Variants in OSBPL8 observed in about 807,000 individuals in gnomAD.
The protein encoded by OSBPL8 is oxysterol binding protein like 8.
A neutral mutation model predicts 125.5 loss-of-function variants in OSBPL8; 59 were observed. The ratio of observed to expected loss-of-function variants is 0.47; its 90% CI spans 0.38 to 0.58. The LOEUF is 0.58. OSBPL8 is among the 20% of genes least tolerant of loss of function. The probability of loss-of-function intolerance (pLI) is 0.00; values close to 1 mark genes in which losing one functional copy is unlikely to be tolerated. For synonymous variants in OSBPL8, 330 were observed against 338.9 expected, an observed-to-expected ratio of 0.97 and a Z score of 0.29; for missense variants, 758 against 1,047.8, an observed-to-expected ratio of 0.72 and a Z score of 3.82.
At chr12:76,482,967 A>G (rs1877687585) in intron 2 of OSBPL8, among the ~76,000 whole-genome samples, 1 of 152,112 alleles carries the variant, frequency 6.6e-6, no homozygotes, top group Admixed American at 6.5e-5. Flanking sequence ...TGTTTTAAAA[A>G]TATATAGTAT....
Position 76,491,156 on chromosome 12 carries a change from T to C in OSBPL8, c.-67-3538A>G, listed in dbSNP as rs78573289. ...TGAGGCACCCCTGTCAGGAGTTCCATGAAGGGGTCAGGGAAATATCCTACT... is the reference window on the plus strand; with the variant it reads ...TGAGGCACCCCTGTCAGGAGTTCCACGAAGGGGTCAGGGAAATATCCTACT... On this transcript the variant is annotated intron_variant, in intron 1 of 23. Transcript: ENST00000261183. Among the ~76,000 whole-genome samples the C allele has an allele frequency of 3.8e-3, 578 of 152,282 alleles. 7 individuals are homozygous for C. The highest frequency in any genetic ancestry group is 0.013 in the African/African-American group (560 of 41,546).
At chr12:76,553,197 C>CATAG (rs3043354) in intron 1 of OSBPL8, among the ~76,000 whole-genome samples, 120,592 of 151,564 alleles carry the variant, frequency 0.8, 48,208 homozygotes, top group East Asian at 0.92. Context: ...AATATACCAA[C>CATAG]ATAGATTCCA....
At chr12:76,478,837 G>A (rs1231311113) in intron 2 of OSBPL8, among the ~76,000 whole-genome samples, 6 of 152,160 alleles carry the variant, frequency 3.9e-5, no homozygotes, top group Non-Finnish European at 5.9e-5. Flanking sequence ...TGTAATCCCA[G>A]CACTTTGGGA....
intron 6 of OSBPL8, among the ~76,000 whole-genome samples, chr12:76,400,181 A>T (rs1953989916): frequency 6.6e-6 from 1 of 152,056 alleles, no homozygotes; most frequent in South Asian, 2.1e-4. Context: ...CACCCTCTGA[A>T]AGGCTCCAGT....
At chr12:76,369,533 T>C in intron 20 of OSBPL8, 104 bp downstream of exon 20, 1 of 1,365,442 alleles carries the variant, frequency 7.3e-7, no homozygotes, top group Non-Finnish European at 9.9e-7. Context: ...CTAATATACA[T>C]GGTTTAATTA....
At chr12:76,375,658 G>A (rs896445890) in intron 16 of OSBPL8, among the ~76,000 whole-genome samples, 5 of 151,200 alleles carry the variant, frequency 3.3e-5, no homozygotes, top group African/African-American at 4.9e-5. Flanking sequence ...GCAGAGTAGC[G>A]AAAAATTTGA....
intron 4 of OSBPL8, among the ~76,000 whole-genome samples, chr12:76,429,161 C>T (rs1209385692): frequency 6.6e-6 from 1 of 151,790 alleles, no homozygotes; most frequent in African/African-American, 2.4e-5. Flanking sequence ...AATACACATA[C>T]AAAAATAAAA....
chr12:76,387,224 C>A (rs925857877), intron 12 of OSBPL8, among the ~76,000 whole-genome samples: 1 of 152,052 alleles, frequency 6.6e-6, no homozygotes, highest in Non-Finnish European at 1.5e-5. Flanking sequence ...CATAGGTTGA[C>A]GATAGCCTCT....
chr12:76,444,126 A>C (rs1241902576), intron 4 of OSBPL8, among the ~76,000 whole-genome samples: 2 of 152,340 alleles, frequency 1.3e-5, no homozygotes, highest in South Asian at 4.1e-4. Context: ...ACTTTAGAAC[A>C]GCTTTTAAAG....
intron 21 of OSBPL8, among the ~76,000 whole-genome samples, chr12:76,364,524 T>C (rs1305624911): frequency 6.6e-6 from 1 of 152,026 alleles, no homozygotes; most frequent in African/African-American, 2.4e-5. Context: ...AGGGGAGGGA[T>C]AGCATTAGGA....
chr12:76,400,301 C>T (rs1953995899), intron 6 of OSBPL8, among the ~76,000 whole-genome samples: 1 of 152,192 alleles, frequency 6.6e-6, no homozygotes, highest in African/African-American at 2.4e-5. Context: ...ATAATGCCCT[C>T]CAGCTCCATC....
intron 1 of OSBPL8, among the ~76,000 whole-genome samples, chr12:76,551,889 A>T (rs909046224): frequency 1.3e-5 from 2 of 152,180 alleles, no homozygotes; most frequent in African/African-American, 4.8e-5. Flanking sequence ...TCACACAATT[A>T]AAATTTCTCA....
At chr12:76,471,775 G>A (rs1174750290) in intron 2 of OSBPL8, among the ~76,000 whole-genome samples, 1 of 152,180 alleles carries the variant, frequency 6.6e-6, no homozygotes, top group Non-Finnish European at 1.5e-5. Context: ...CTTCACAAAT[G>A]TGACAAACTG....
At chr12:76,438,372 G>A (rs1435669422) in intron 4 of OSBPL8, among the ~76,000 whole-genome samples, 5 of 150,914 alleles carry the variant, frequency 3.3e-5, no homozygotes, top group Non-Finnish European at 7.4e-5. Flanking sequence ...GTGCGATTAC[G>A]GCTCACTGCA....
chr12:76,401,918 T>G (rs1167182783), intron 6 of OSBPL8, among the ~76,000 whole-genome samples: 2 of 152,182 alleles, frequency 1.3e-5, no homozygotes, highest in African/African-American at 4.8e-5. Context: ...TGTTATAATT[T>G]GGATGGGAAA....
intron 4 of OSBPL8, among the ~76,000 whole-genome samples, chr12:76,431,000 A>T (rs1176802868): frequency 6.6e-6 from 1 of 152,224 alleles, no homozygotes; most frequent in East Asian, 1.9e-4. Context: ...GGTAGTAAAT[A>T]AATCACTTTT....
chr12:76,454,363 T>A (rs780544617), intron 3 of OSBPL8, among the ~76,000 whole-genome samples: 15 of 152,164 alleles, frequency 9.9e-5, no homozygotes, highest in Non-Finnish European at 2.9e-5. Context: ...TCTAGTTCTA[T>A]AACAAACGAC....
At chr12:76,430,272 G>A (rs1330209220) in intron 4 of OSBPL8, among the ~76,000 whole-genome samples, 1 of 152,084 alleles carries the variant, frequency 6.6e-6, no homozygotes, top group Non-Finnish European at 1.5e-5. Context: ...CAAGAACCAG[G>A]CAGGAACCAC....
chr12:76,470,024 T>C (rs1306280600), intron 2 of OSBPL8, among the ~76,000 whole-genome samples: 2 of 152,234 alleles, frequency 1.3e-5, no homozygotes, highest in Non-Finnish European at 2.9e-5. Flanking sequence ...AGTTCTGTCC[T>C]GCATAAAATA....
Sources: allele counts gnomAD v4.1 joint callset (sites outside exome capture counted in the v4.1 genomes callset), GRCh38; gene constraint gnomAD v4.1.1; transcripts MANE v1.5; gene names NCBI Gene and HGNC (gene_info 2026-07-23, HGNC 2026-07-21).